FCHSD2: variants seen among roughly 807,000 people sequenced by gnomAD.
FCHSD2 encodes F-BAR and double SH3 domains protein 2.
A neutral mutation model predicts 108.1 loss-of-function variants in FCHSD2; 38 were observed. That is an observed-to-expected ratio of 0.35 (90% CI 0.27 to 0.46). The LOEUF is 0.46. FCHSD2 is among the 20% of genes least tolerant of loss of function. The pLI, the probability that FCHSD2 is intolerant of heterozygous loss-of-function variation, is 1.00. For missense variants in FCHSD2, 751 were observed against 897.8 expected (o/e 0.84, Z 2.09); for synonymous variants, 279 against 314.7 (o/e 0.89, Z 1.20).
intron 11 of FCHSD2, 35 bp from the exon 12 acceptor site, chr11:72,887,609 T>C (rs748915265): frequency 1.5e-6 from 2 of 1,328,634 alleles, no homozygotes; most frequent in Admixed American, 2.6e-5. Flanking sequence ...TGATGACTGT[T>C]TTTTACTTTT....
rs201865960 is a variant in FCHSD2, at chr11:72,849,810, G to C, written c.1388C>G (p.Pro463Arg). The C allele has an allele frequency of 2.5e-4, 407 of 1,612,520 alleles. No individual in the cohort carries two copies. Among genetic ancestry groups the C allele is most frequent in the Non-Finnish European group, 3.1e-4 (370 of 1,178,732 alleles). ...TGGATAATTTCTTAAGGTGCCAGAA[G>C]GGCTGGAACTGCTGTCATCGAAAAC... is the stretch of plus-strand genomic sequence containing the variant. ...MDVFDDSSSS[P>R]SGTLRNYPLT... Residue 463 changes from proline to arginine, a missense_variant, in exon 14 of 20, where the codon CCT (proline) becomes CGT (arginine). Coordinates refer to ENST00000409418, the MANE Select transcript of FCHSD2 (RefSeq NM_014824.3).
chr11:72,881,894 C>A (rs1017218262), intron 12 of FCHSD2, among the ~76,000 whole-genome samples: 24 of 152,266 alleles, frequency 1.6e-4, no homozygotes, highest in South Asian at 6.2e-4. Flanking sequence ...GTAATCCCAG[C>A]ACTTTGGGAG....
intron 5 of FCHSD2, among the ~76,000 whole-genome samples, chr11:72,996,373 C>A (rs1187886744): frequency 1.3e-5 from 2 of 152,088 alleles, no homozygotes; most frequent in Non-Finnish European, 2.9e-5. Flanking sequence ...AAGTGTTATA[C>A]AAATGTGAAC....
chr11:73,031,303 T>C (rs1384026512), intron 3 of FCHSD2, among the ~76,000 whole-genome samples: 2 of 151,978 alleles, frequency 1.3e-5, no homozygotes, highest in African/African-American at 4.8e-5. Flanking sequence ...AACGAAACCC[T>C]GTCTCTATCA....
intron 2 of FCHSD2, among the ~76,000 whole-genome samples, chr11:73,100,082 T>C (rs1275855814): frequency 6.6e-6 from 1 of 152,158 alleles, no homozygotes; most frequent in Non-Finnish European, 1.5e-5. Flanking sequence ...CCCTTCCGCT[T>C]CCTACAGTGG....
chr11:73,003,254 C>T (rs1857663459), intron 4 of FCHSD2, among the ~76,000 whole-genome samples: 1 of 152,050 alleles, frequency 6.6e-6, no homozygotes, highest in Non-Finnish European at 1.5e-5. Flanking sequence ...CCTCAACTGG[C>T]AAATGGAGAA....
chr11:72,881,066 G>C (rs577639281), intron 12 of FCHSD2, among the ~76,000 whole-genome samples: 29 of 152,188 alleles, frequency 1.9e-4, no homozygotes, highest in African/African-American at 7.0e-4. Context: ...ATGCAGCAAA[G>C]GAAACAAAAG....
intron 12 of FCHSD2, 132 bp from the exon 13 acceptor site, chr11:72,868,158 C>T: frequency 2.6e-6 from 2 of 764,090 alleles, no homozygotes; most frequent in Non-Finnish European, 4.1e-6. Flanking sequence ...CCATGGAATA[C>T]TATGCAGCCA....
chr11:72,850,656 A>G (rs921706743), intron 13 of FCHSD2, among the ~76,000 whole-genome samples: 1 of 152,064 alleles, frequency 6.6e-6, no homozygotes, highest in African/African-American at 2.4e-5. Context: ...CCTGGCCAGG[A>G]CAGAGATTTT....
At chr11:72,850,680 A>C (rs1269869013) in intron 13 of FCHSD2, among the ~76,000 whole-genome samples, 1 of 152,110 alleles carries the variant, frequency 6.6e-6, no homozygotes, top group Non-Finnish European at 1.5e-5. Context: ...TAAATCAAGA[A>C]GGAAGTTTCT....
rs1861214151 is a variant in FCHSD2 at position 73,140,195 on chromosome 11, A to G, written c.22-67T>C. 25 of 805,358 alleles carry G rather than the reference A, an allele frequency of 3.1e-5. 1 individual carries two copies. The South Asian group carries it at 4.2e-4, about 14-fold the overall frequency. 49.9% of individuals were successfully genotyped at this position (805,358 alleles called of 1,614,324 possible). On this transcript the variant is annotated intron_variant, in intron 1 of 19. Transcript: ENST00000409418. ...TAACCCAAAAAAATTGCTTCAGGAA[A>G]ATACATCTGTCAGAATATGTCTCTT...
chr11:73,122,086 A>G (rs1006343136), intron 2 of FCHSD2, among the ~76,000 whole-genome samples: 11 of 152,198 alleles, frequency 7.2e-5, no homozygotes, highest in Non-Finnish European at 1.0e-4. Context: ...AAACCAAGTA[A>G]GAAACAGTTA....
intron 8 of FCHSD2, among the ~76,000 whole-genome samples, chr11:72,965,036 G>A (rs566573282): frequency 3.9e-5 from 6 of 152,160 alleles, no homozygotes; most frequent in South Asian, 4.1e-4. Context: ...TGATCCGCCC[G>A]CCTTGGCCTC....
At chr11:72,847,236 G>T (rs1440525500) in intron 14 of FCHSD2, among the ~76,000 whole-genome samples, 3 of 152,126 alleles carry the variant, frequency 2.0e-5, no homozygotes, top group Admixed American at 1.3e-4. Flanking sequence ...GGCTTCAAGT[G>T]ATCTTCTCGC....
intron 2 of FCHSD2, among the ~76,000 whole-genome samples, chr11:73,129,668 C>A (rs796443211): frequency 2.6e-4 from 39 of 152,142 alleles, no homozygotes; most frequent in African/African-American, 8.9e-4. Flanking sequence ...TACAATGTAA[C>A]AATAATAGGA....
chr11:73,047,296 G>A (rs1029091023), intron 3 of FCHSD2, among the ~76,000 whole-genome samples: 4 of 151,744 alleles, frequency 2.6e-5, no homozygotes, highest in African/African-American at 9.7e-5. Flanking sequence ...ATATCTGGTA[G>A]AAGCTACATA....
chr11:72,908,175 C>T (rs1020058204), intron 9 of FCHSD2, among the ~76,000 whole-genome samples: 1 of 152,052 alleles, frequency 6.6e-6, no homozygotes, highest in Non-Finnish European at 1.5e-5. Flanking sequence ...ACATAATGAC[C>T]TCCAGTTTTA....
chr11:72,846,067 G>C (rs1861127921), intron 14 of FCHSD2, among the ~76,000 whole-genome samples: 1 of 862 alleles, frequency 1.2e-3, no homozygotes, highest in Admixed American at 0.028. Flanking sequence ...TAGATAGATA[G>C]ATAGATAGAT....
rs767370653 is a variant in FCHSD2, at chr11:72,887,515, T to C, written c.1101A>G (p.Leu367=). ...AAVSEQSRAE[L]EQKIDEAREN... is the part of the protein sequence containing the mutation. Reference sequence around the variant, plus strand: ...CTCTAGCTTCATCTATTTTCTGTTCTAGCTCTGCTCGGCTTTGTTCTGATA... The same window carrying C: ...CTCTAGCTTCATCTATTTTCTGTTCCAGCTCTGCTCGGCTTTGTTCTGATA... The change falls in exon 12 of 20, where the codon CTA becomes CTG. Residue 367 remains leucine, a synonymous_variant. Coordinates refer to ENST00000409418, the MANE Select transcript of FCHSD2 (RefSeq NM_014824.3). 4 of 1,606,266 alleles carry C rather than the reference T, an allele frequency of 2.5e-6. No homozygotes were observed. Among genetic ancestry groups the C allele is most frequent in the African/African-American group, 2.7e-5 (2 of 74,452 alleles).
Sources: gnomAD v4.1 joint callset for allele counts (sites outside exome capture counted in the v4.1 genomes callset) on GRCh38, gnomAD v4.1.1 for gene constraint, MANE v1.5 for transcripts, NCBI Gene and HGNC (gene_info 2026-07-23, HGNC 2026-07-21) for gene names.